Variants in PLD1 observed in about 807,000 individuals in gnomAD.
The protein encoded by PLD1 is choline phosphatase 1.
A neutral mutation model predicts 137.1 loss-of-function variants in PLD1; 112 were observed. The observed-to-expected ratio is 0.82, with a 90% CI of 0.70 to 0.96. PLD1 has a LOEUF of 0.96. Ranked by LOEUF, PLD1 falls within the 40% of genes least tolerant of loss-of-function variation. PLD1 has a pLI of 0.00. For missense variants in PLD1, 1,321 were observed against 1,342.0 expected (o/e 0.98, Z 0.24); for synonymous variants, 431 against 454.7 (o/e 0.95, Z 0.66).
At chr3:171,687,221 A>T in intron 15 of PLD1, 150 bp downstream of exon 15, 1 of 646,078 alleles carries the variant, frequency 1.5e-6, no homozygotes. Flanking sequence ...ACCAAATGGC[A>T]TGAGGTTGAA....
intron 6 of PLD1, 135 bp from the exon 7 acceptor site, chr3:171,726,211 G>T (rs1718493427): frequency 1.6e-6 from 1 of 634,368 alleles, no homozygotes; most frequent in Non-Finnish European, 2.8e-6. Context: ...AATAATAATG[G>T]CATTGCACTA....
rs182663221 is a variant in PLD1 at position 171,779,562 on chromosome 3, C to T, written c.-32+30837G>A. 7.0e-3 allele frequency among the ~76,000 whole-genome samples: 1,067 copies of T among 152,228 alleles called. 16 individuals are homozygous for T. The highest frequency in any genetic ancestry group is 8.5e-3 in the Non-Finnish European group (577 of 68,026). On this transcript the variant is annotated intron_variant, in intron 1 of 26. Transcript: ENST00000351298. ...GATATCCAAACGAAGAGAAGTAGGA[C>T]GTTGGATACCTAAGTTTGAGGCTTG...
At chr3:171,616,720 T>C (rs1404155589) in intron 24 of PLD1, among the ~76,000 whole-genome samples, 1 of 152,168 alleles carries the variant, frequency 6.6e-6, no homozygotes, top group Non-Finnish European at 1.5e-5. Flanking sequence ...GGACTCTCCC[T>C]AACGGCCTCT....
chr3:171,627,038 G>C (rs1449992540), intron 23 of PLD1, among the ~76,000 whole-genome samples: 1 of 152,076 alleles, frequency 6.6e-6, no homozygotes, highest in Non-Finnish European at 1.5e-5. Context: ...TGGACTAAAT[G>C]CTCCAATTAA....
intron 19 of PLD1, among the ~76,000 whole-genome samples, chr3:171,667,590 G>T (rs953180750): frequency 3.9e-5 from 6 of 152,274 alleles, no homozygotes; most frequent in African/African-American, 1.4e-4. Context: ...ATGGATTTGG[G>T]GCTGTGGCAA....
At chr3:171,794,506 C>G (rs1243557793) in intron 1 of PLD1, among the ~76,000 whole-genome samples, 2 of 152,118 alleles carry the variant, frequency 1.3e-5, no homozygotes, top group East Asian at 1.9e-4. Context: ...TAACTTGATA[C>G]TGGCCATGAT....
intron 24 of PLD1, among the ~76,000 whole-genome samples, chr3:171,613,336 T>C (rs1258738922): frequency 6.6e-6 from 1 of 152,214 alleles, no homozygotes; most frequent in East Asian, 1.9e-4. Flanking sequence ...CTAGTTGAGT[T>C]TTCTACCTTG....
At chr3:171,727,819 T>C (rs1384788399) in intron 6 of PLD1, among the ~76,000 whole-genome samples, 1 of 152,180 alleles carries the variant, frequency 6.6e-6, no homozygotes, top group Admixed American at 6.5e-5. Flanking sequence ...TATCTAACAC[T>C]ACTCTTGTAA....
intron 1 of PLD1, chr3:171,792,197 T>A (rs1723240550): frequency 5.0e-6 from 1 of 201,702 alleles, no homozygotes; most frequent in Non-Finnish European, 1.0e-5. Context: ...CCTACCAGTA[T>A]CTATTTCATC....
intron 1 of PLD1, among the ~76,000 whole-genome samples, chr3:171,747,209 G>A (rs1191458672): frequency 6.6e-6 from 1 of 152,084 alleles, no homozygotes; most frequent in East Asian, 1.9e-4. Context: ...TTACCACAAG[G>A]GTCTGCGGCT....
chr3:171,788,707 C>G (rs1723109170), intron 1 of PLD1: 1 of 152,164 alleles, frequency 6.6e-6, no homozygotes, highest in East Asian at 1.9e-4. Context: ...GACAAAAGAG[C>G]TTTGACACAT....
At chr3:171,767,608 T>G (rs1722067237) in intron 1 of PLD1, among the ~76,000 whole-genome samples, 1 of 152,256 alleles carries the variant, frequency 6.6e-6, no homozygotes, top group South Asian at 2.1e-4. Context: ...CACCTTCTGA[T>G]GCACAACACT....
In PLD1 at chr3:171,619,585, G is replaced by A. The variant is rs142682554; in HGVS notation, c.2728+801C>T. Among the ~76,000 whole-genome samples, 18 of 152,248 alleles carry A rather than the reference G, an allele frequency of 1.2e-4. No individual in the cohort carries two copies. In the East Asian group the frequency reaches 3.5e-3, roughly 29 times the overall value. ...ATGACATGGAAAACATGCATGTTAG[G>A]AAAAATAGTGGTAATGCATAGAGGC... On this transcript the variant is annotated intron_variant, in intron 24 of 26. Coordinates refer to ENST00000351298, the MANE Select transcript of PLD1 (RefSeq NM_002662.5).
At chr3:171,658,854 A>G (rs1737429731) in intron 21 of PLD1, among the ~76,000 whole-genome samples, 1 of 152,212 alleles carries the variant, frequency 6.6e-6, no homozygotes, top group Admixed American at 6.5e-5. Flanking sequence ...AATAAATATG[A>G]CATACGGTAA....
At chr3:171,765,020 GAAAA>G (rs1721880533) in intron 1 of PLD1, 1 of 151,180 alleles carries the variant, frequency 6.6e-6, no homozygotes, top group Non-Finnish European at 1.5e-5. Context: ...AAAAGAAAAA[GAAAA>G]AGAAAGAAAG....
intron 1 of PLD1, among the ~76,000 whole-genome samples, chr3:171,739,756 A>T (rs1719636930): frequency 1.3e-5 from 2 of 152,196 alleles, no homozygotes; most frequent in African/African-American, 4.8e-5. Context: ...AAGTAACTTG[A>T]CCAATATTTT....
chr3:171,684,857 G>C (rs147406777), intron 16 of PLD1, among the ~76,000 whole-genome samples: 63 of 152,326 alleles, frequency 4.1e-4, no homozygotes, highest in Non-Finnish European at 6.8e-4. Flanking sequence ...AAATTGCTGG[G>C]ATTACAGGTG....
At chr3:171,668,159 TGCACAAAGGGTTA>T (rs546581607) in intron 19 of PLD1, among the ~76,000 whole-genome samples, 211 of 152,298 alleles carry the variant, frequency 1.4e-3, no homozygotes, top group African/African-American at 4.9e-3. Flanking sequence ...TATGAGATAA[TGCACAAAGGGTTA>T]GCACAGTGCC....
At chr3:171,680,842 C>T (rs1478619546) in intron 16 of PLD1, among the ~76,000 whole-genome samples, 3 of 152,180 alleles carry the variant, frequency 2.0e-5, no homozygotes, top group Non-Finnish European at 4.4e-5. Flanking sequence ...TGAAAATCTG[C>T]TGATTCTGCT....
Sources: gnomAD v4.1 joint callset for allele counts (sites outside exome capture counted in the v4.1 genomes callset) on GRCh38, gnomAD v4.1.1 for gene constraint, MANE v1.5 for transcripts, NCBI Gene and HGNC (gene_info 2026-07-23, HGNC 2026-07-21) for gene names.